The following ENOX1 variants were observed in gnomAD, a reference collection of about 807,000 sequenced individuals.
ENOX1 encodes the protein candidate growth-related and time keeping constitutive hydroquinone (NADH) oxidase.
Under a neutral mutation model 82.5 loss-of-function variants are expected in ENOX1, and 42 were observed. The ratio of observed to expected loss-of-function variants is 0.51; its 90% CI spans 0.40 to 0.66. ENOX1 has a LOEUF of 0.66. Among genes scored for constraint, ENOX1 ranks in the 30% least tolerant of loss-of-function variants. The probability of loss-of-function intolerance (pLI) is 0.00; values close to 1 mark genes in which losing one functional copy is unlikely to be tolerated. For synonymous variants in ENOX1, 271 were observed against 282.2 expected, an observed-to-expected ratio of 0.96 and a Z score of 0.40; for missense variants, 608 against 811.6, an observed-to-expected ratio of 0.75 and a Z score of 3.05.
chr13:43,398,050 C>G (rs1412553511), intron 5 of ENOX1, among the ~76,000 whole-genome samples: 1 of 152,158 alleles, frequency 6.6e-6, no homozygotes, highest in Non-Finnish European at 1.5e-5. Flanking sequence ...ACTGATCTCA[C>G]TCATGAAGGC....
chr13:43,279,798 G>A lies in ENOX1; in HGVS notation c.1447-10221C>T, dbSNP rs191015533. 9.8e-5 allele frequency among the ~76,000 whole-genome samples: 15 copies of A among 152,304 alleles called. No homozygotes were observed. The East Asian group carries it at 2.9e-3, about 29-fold the overall frequency. On this transcript the variant is annotated intron_variant, in intron 12 of 16. Coordinates refer to ENST00000690772, the MANE Select transcript of ENOX1 (RefSeq NM_001347969.2). ...TAAGTCATATGAGTGGGCAGTACTG[G>A]GGATTAATATTCAGAGAGAAAGGTC...
chr13:43,753,581 A>G (rs1002007932), intron 1 of ENOX1, among the ~76,000 whole-genome samples: 1 of 152,220 alleles, frequency 6.6e-6, no homozygotes, highest in African/African-American at 2.4e-5. Context: ...AGGGGACAAA[A>G]GAAGTTGTTC....
rs142058841 is a variant in ENOX1 at position 43,238,838 on chromosome 13, T to A, written c.1612-2100A>T. Among the ~76,000 whole-genome samples, 47 of 152,260 alleles carry A rather than the reference T, an allele frequency of 3.1e-4. 1 individual carries two copies. The South Asian group carries it at 8.3e-3, about 27-fold the overall frequency. On this transcript the variant is annotated intron_variant, in intron 14 of 16. Transcript: ENST00000690772. ...ACAGGCCCACATTAATTGCCAAGAC[T>A]GAGTGGTGTCCTGGGGCCATCACAC... is the stretch of plus-strand genomic sequence containing the variant.
intron 15 of ENOX1, among the ~76,000 whole-genome samples, chr13:43,232,812 C>T (rs576416355): frequency 6.6e-6 from 1 of 152,252 alleles, no homozygotes; most frequent in East Asian, 1.9e-4. Context: ...TGACTAGCAT[C>T]AACAGGGCGT....
chr13:43,411,099 G>A (rs1363747510), intron 5 of ENOX1, among the ~76,000 whole-genome samples: 1 of 152,086 alleles, frequency 6.6e-6, no homozygotes, highest in East Asian at 1.9e-4. Flanking sequence ...CCCAGTGACC[G>A]ATCTGATTAT....
At chr13:43,514,213 C>T (rs1257009206) in intron 2 of ENOX1, among the ~76,000 whole-genome samples, 1 of 152,142 alleles carries the variant, frequency 6.6e-6, no homozygotes, top group East Asian at 1.9e-4. Flanking sequence ...ACCAGTTTTA[C>T]ATATCTTTAA....
At chr13:43,284,929 T>C (rs2045606343) in intron 12 of ENOX1, among the ~76,000 whole-genome samples, 2 of 151,266 alleles carry the variant, frequency 1.3e-5, no homozygotes, top group Admixed American at 6.6e-5. Flanking sequence ...GATAGAAATA[T>C]GTAGAGAAGG....
intron 14 of ENOX1, among the ~76,000 whole-genome samples, chr13:43,249,870 C>T (rs1308133086): frequency 6.6e-6 from 1 of 152,218 alleles, no homozygotes; most frequent in African/African-American, 2.4e-5. Context: ...TGAATTCTCT[C>T]TATTCACCGC....
chr13:43,429,761 A>T (rs1363138722), intron 3 of ENOX1, among the ~76,000 whole-genome samples: 2 of 152,222 alleles, frequency 1.3e-5, no homozygotes, highest in Admixed American at 6.5e-5. Flanking sequence ...AATGGAGGTT[A>T]TAGTCATATC....
chr13:43,559,957 C>A (rs1041913301), intron 2 of ENOX1, among the ~76,000 whole-genome samples: 3 of 152,142 alleles, frequency 2.0e-5, no homozygotes, highest in Admixed American at 2.0e-4. Flanking sequence ...ATGAACTAAG[C>A]AAGAACTGTT....
intron 11 of ENOX1, among the ~76,000 whole-genome samples, chr13:43,301,490 T>A (rs1303999841): frequency 6.6e-6 from 1 of 151,242 alleles, no homozygotes; most frequent in Non-Finnish European, 1.5e-5. Flanking sequence ...CTACAGTGCC[T>A]GCCAAGCAGT....
At chr13:43,669,807 A>G (rs1386847569) in intron 1 of ENOX1, among the ~76,000 whole-genome samples, 1 of 152,170 alleles carries the variant, frequency 6.6e-6, no homozygotes, top group Non-Finnish European at 1.5e-5. Flanking sequence ...TGCCAGGTCA[A>G]TGATTGAGAG....
At chr13:43,427,003 G>C (rs752554026) in intron 3 of ENOX1, among the ~76,000 whole-genome samples, 6 of 152,038 alleles carry the variant, frequency 3.9e-5, no homozygotes, top group Non-Finnish European at 8.8e-5. Flanking sequence ...TTAACTACTG[G>C]CTAATTCACC....
intron 9 of ENOX1, among the ~76,000 whole-genome samples, chr13:43,336,241 C>A (rs60738335): frequency 0.01 from 1,553 of 152,286 alleles, 26 homozygotes; most frequent in African/African-American, 0.035. Context: ...GCTTTTCAGG[C>A]AGAAGAAATG....
In ENOX1 at chr13:43,359,952, TC is replaced by T. The variant is rs2050392993; in HGVS notation, c.487del (p.Glu163AsnfsTer40). ...AATTGCTGTAATATCACCGCACTGT[TC>T]AAAGACTTCTTGAATAATTTCCTCA... ...ATEEIIQEVF[E>X]QCGDITAIRK... On this transcript the variant is annotated frameshift_variant, in exon 7 of 17. Coordinates refer to ENST00000690772, the MANE Select transcript of ENOX1 (RefSeq NM_001347969.2). LOFTEE classifies it high-confidence loss of function. 3 of 1,614,110 alleles carry T rather than the reference TC, an allele frequency of 1.9e-6. No individual in the cohort carries two copies.
intron 2 of ENOX1, among the ~76,000 whole-genome samples, chr13:43,590,201 C>CA (rs1209718511): frequency 1.3e-5 from 2 of 151,468 alleles, no homozygotes; most frequent in Non-Finnish European, 2.9e-5. Flanking sequence ...GCTTTTGAAA[C>CA]AAAAAACTGA....
intron 3 of ENOX1, among the ~76,000 whole-genome samples, chr13:43,431,685 G>A (rs1379768873): frequency 1.3e-5 from 2 of 152,082 alleles, no homozygotes; most frequent in Non-Finnish European, 1.5e-5. Flanking sequence ...TTATGAGTGG[G>A]TGTATATATA....
chr13:43,237,833 A>G (rs1471518861), intron 14 of ENOX1, among the ~76,000 whole-genome samples: 1 of 152,244 alleles, frequency 6.6e-6, no homozygotes, highest in Non-Finnish European at 1.5e-5. Context: ...AGCACATGCC[A>G]TCAAAACAGA....
chr13:43,283,142 A>G (rs1484074342), intron 12 of ENOX1, among the ~76,000 whole-genome samples: 1 of 152,030 alleles, frequency 6.6e-6, no homozygotes, highest in Admixed American at 6.6e-5. Flanking sequence ...TTTCCAATTC[A>G]GTTTTGATTA....
Sources: allele counts gnomAD v4.1 joint callset (sites outside exome capture counted in the v4.1 genomes callset), GRCh38; gene constraint gnomAD v4.1.1; transcripts MANE v1.5; gene names NCBI Gene and HGNC (gene_info 2026-07-23, HGNC 2026-07-21).